Variants in MACROD2 observed in about 807,000 individuals in gnomAD.
The protein encoded by MACROD2 is ADP-ribose glycohydrolase MACROD2.
Under a neutral mutation model 70.4 loss-of-function variants are expected in MACROD2, and 36 were observed. The observed-to-expected ratio is 0.51, with a 90% CI of 0.39 to 0.68. The LOEUF is 0.68. MACROD2 is among the 30% of genes least tolerant of loss of function. The pLI is 0.00. For synonymous variants in MACROD2, 172 were observed against 178.8 expected (o/e 0.96, Z 0.30); for missense variants, 496 against 538.4 (o/e 0.92, Z 0.78).
At chr20:14,498,608 C>T (rs2084882583) in intron 4 of MACROD2, among the ~76,000 whole-genome samples, 1 of 152,190 alleles carries the variant, frequency 6.6e-6, no homozygotes, top group Admixed American at 6.5e-5. Flanking sequence ...TAAAATGATG[C>T]TTTAACATTA....
intron 6 of MACROD2, among the ~76,000 whole-genome samples, chr20:15,343,819 G>T (rs2078135391): frequency 6.6e-6 from 1 of 152,142 alleles, no homozygotes; most frequent in African/African-American, 2.4e-5. Context: ...GTGTGATAGA[G>T]ATCAACTGTA....
intron 4 of MACROD2, among the ~76,000 whole-genome samples, chr20:14,521,843 A>C (rs987335269): frequency 6.6e-6 from 1 of 152,118 alleles, no homozygotes; most frequent in Non-Finnish European, 1.5e-5. Flanking sequence ...TTTAATCAGG[A>C]TTCTCTTTGT....
intron 5 of MACROD2, among the ~76,000 whole-genome samples, chr20:15,021,278 G>A (rs376243581): frequency 0.027 from 2,321 of 85,802 alleles, 237 homozygotes; most frequent in Non-Finnish European, 0.041. Flanking sequence ...GTGTGTATAC[G>A]CACACCTGTG....
intron 6 of MACROD2, among the ~76,000 whole-genome samples, chr20:15,384,495 C>T (rs551056578): frequency 6.6e-6 from 1 of 152,204 alleles, no homozygotes; most frequent in East Asian, 1.9e-4. Flanking sequence ...AAATATTTCT[C>T]ATGAACTACA....
intron 10 of MACROD2, among the ~76,000 whole-genome samples, chr20:15,886,888 A>G (rs2064829036): frequency 6.6e-6 from 1 of 152,148 alleles, no homozygotes; most frequent in South Asian, 2.1e-4. Context: ...ACCATAGTAA[A>G]GATTCAGTAA....
chr20:14,066,805 A>ATT (rs34648174), intron 2 of MACROD2, among the ~76,000 whole-genome samples: 1,796 of 104,024 alleles, frequency 0.017, 25 homozygotes, highest in East Asian at 0.024. Context: ...TGTTTTAGTG[A>ATT]TTTTTTTTTT....
chr20:15,587,440 C>A (rs2048617936), intron 8 of MACROD2, among the ~76,000 whole-genome samples: 1 of 152,102 alleles, frequency 6.6e-6, no homozygotes, highest in Non-Finnish European at 1.5e-5. Context: ...GTTTCAAAAC[C>A]AATCATGCCT....
chr20:15,987,788 A>T (rs987532123), intron 15 of MACROD2, among the ~76,000 whole-genome samples: 1 of 152,198 alleles, frequency 6.6e-6, no homozygotes, highest in Non-Finnish European at 1.5e-5. Flanking sequence ...AATGTGTTTA[A>T]AAAAACTATT....
intron 6 of MACROD2, among the ~76,000 whole-genome samples, chr20:15,407,961 A>G (rs1433251235): frequency 2.0e-5 from 3 of 152,158 alleles, no homozygotes; most frequent in African/African-American, 4.8e-5. Context: ...CAACACCCCA[A>G]AGTCTCTCAG....
chr20:15,193,788 G>A (rs1393543152), intron 5 of MACROD2, among the ~76,000 whole-genome samples: 2 of 151,960 alleles, frequency 1.3e-5, no homozygotes, highest in South Asian at 4.2e-4. Flanking sequence ...TCTCTTGGTG[G>A]TTATGTACAA....
chr20:14,865,288 A>G (rs1379590260), intron 5 of MACROD2, among the ~76,000 whole-genome samples: 2 of 152,008 alleles, frequency 1.3e-5, no homozygotes, highest in Non-Finnish European at 2.9e-5. Flanking sequence ...AGCTTACTCC[A>G]TGTAACCCTG....
At chr20:15,104,173 A>G (rs1194576242) in intron 5 of MACROD2, among the ~76,000 whole-genome samples, 1 of 152,176 alleles carries the variant, frequency 6.6e-6, no homozygotes, top group Non-Finnish European at 1.5e-5. Context: ...TGATTTCAAT[A>G]AAGTGGCTCT....
chr20:14,143,562 A>G (rs1295737587), intron 3 of MACROD2, among the ~76,000 whole-genome samples: 2 of 152,140 alleles, frequency 1.3e-5, no homozygotes, highest in Non-Finnish European at 2.9e-5. Context: ...CTTGGAGGAA[A>G]AAAAAAACCT....
At chr20:15,636,102 GA>G (rs1239400501) in intron 8 of MACROD2, among the ~76,000 whole-genome samples, 30 of 76,916 alleles carry the variant, frequency 3.9e-4, no homozygotes, top group East Asian at 3.4e-3. Flanking sequence ...AGAAAGAAAA[GA>G]AAAGAAAAAA....
chr20:15,049,732 G>A (rs1196143373), intron 5 of MACROD2, among the ~76,000 whole-genome samples: 2 of 152,132 alleles, frequency 1.3e-5, no homozygotes, highest in African/African-American at 4.8e-5. Flanking sequence ...CAGATCACCT[G>A]AGGTTAGGAG....
chr20:15,559,943 T>A (rs992620054), intron 8 of MACROD2, among the ~76,000 whole-genome samples: 2 of 152,234 alleles, frequency 1.3e-5, no homozygotes, highest in African/African-American at 2.4e-5. Context: ...CACATATTTT[T>A]AATTCATCCA....
intron 8 of MACROD2, among the ~76,000 whole-genome samples, chr20:15,667,173 G>A (rs1453831052): frequency 1.3e-5 from 2 of 152,154 alleles, no homozygotes; most frequent in Admixed American, 6.5e-5. Flanking sequence ...ATGGCCTGGT[G>A]CTGTTTTAAT....
At chr20:15,065,789 C>A (rs1230580271) in intron 5 of MACROD2, among the ~76,000 whole-genome samples, 1 of 152,090 alleles carries the variant, frequency 6.6e-6, no homozygotes, top group Non-Finnish European at 1.5e-5. Flanking sequence ...TAAATTTACT[C>A]CGTAGTTGCA....
intron 8 of MACROD2, among the ~76,000 whole-genome samples, chr20:15,506,632 G>A (rs142688965): frequency 3.3e-5 from 5 of 152,288 alleles, no homozygotes; most frequent in East Asian, 1.9e-4. Context: ...GACATGAAAC[G>A]CCTTAGGATC....
Sources: allele counts gnomAD v4.1 joint callset (sites outside exome capture counted in the v4.1 genomes callset), GRCh38; gene constraint gnomAD v4.1.1; transcripts MANE v1.5; gene names NCBI Gene and HGNC (gene_info 2026-07-23, HGNC 2026-07-21).